The following BBS9 variants were observed in gnomAD, a reference collection of about 807,000 sequenced individuals.
The protein encoded by BBS9 is Bardet-Biedl syndrome 9, also known as protein PTHB1.
A neutral mutation model predicts 117.7 loss-of-function variants in BBS9; 89 were observed. The ratio of observed to expected loss-of-function variants is 0.76; its 90% CI spans 0.64 to 0.90. The LOEUF (loss-of-function observed/expected upper bound fraction) is 0.90, where lower values mean the gene tolerates loss of function less well. BBS9 is among the 40% of genes least tolerant of loss of function. The pLI is 0.00. For missense variants in BBS9, 982 were observed against 1,042.2 expected (o/e 0.94, Z 0.80); for synonymous variants, 379 against 370.9 (o/e 1.02, Z -0.25).
chr7:33,201,979 G>A lies in BBS9; in HGVS notation c.442+24388G>A, dbSNP rs1562788054. 2.0e-5 allele frequency among the ~76,000 whole-genome samples: 3 copies of A among 152,300 alleles called. No homozygotes were observed. In the East Asian group the frequency reaches 5.8e-4, roughly 29 times the overall value. On this transcript the variant is annotated intron_variant, in intron 5 of 22. Transcript: ENST00000242067. The stretch of plus-strand genomic sequence containing the variant: ...CTCGGCTGTAAGTGATGGATGAAAA[G>A]CTTGGTTGTCTGCCTCCATAGTTGA...
chr7:33,434,788 A>T (rs1835055468), intron 19 of BBS9, among the ~76,000 whole-genome samples: 1 of 152,200 alleles, frequency 6.6e-6, no homozygotes, highest in Non-Finnish European at 1.5e-5. Context: ...ACTGCTGCTC[A>T]TATGCTTATT....
At chr7:33,242,795 A>C (rs1362517523) in intron 5 of BBS9, among the ~76,000 whole-genome samples, 1 of 152,182 alleles carries the variant, frequency 6.6e-6, no homozygotes, top group Non-Finnish European at 1.5e-5. Flanking sequence ...ATGCTATGGT[A>C]ATGATAGACC....
At chr7:33,408,229 G>C (rs1563134821) in intron 19 of BBS9, among the ~76,000 whole-genome samples, 2 of 152,320 alleles carry the variant, frequency 1.3e-5, no homozygotes, top group East Asian at 3.9e-4. Flanking sequence ...ATGGGTGTAG[G>C]ACCCTCTGAG....
chr7:33,425,617 C>T (rs893973046), intron 19 of BBS9, among the ~76,000 whole-genome samples: 121 of 152,200 alleles, frequency 8.0e-4, no homozygotes, highest in African/African-American at 2.7e-3. Context: ...GATGCTGTGT[C>T]GAAATGGACA....
intron 19 of BBS9, among the ~76,000 whole-genome samples, chr7:33,407,925 A>G (rs536599097): frequency 6.6e-6 from 1 of 152,336 alleles, no homozygotes; most frequent in South Asian, 2.1e-4. Context: ...CCTTTCTCAG[A>G]TCTCCAGCTG....
At chr7:33,388,186 C>CT (rs755509491) in intron 19 of BBS9, 42 bp downstream of exon 19, 29 of 1,599,136 alleles carry the variant, frequency 1.8e-5, no homozygotes, top group Middle Eastern at 1.7e-4. Context: ...ACTGGCTATA[C>CT]TTTTTTTTGT....
intron 20 of BBS9, among the ~76,000 whole-genome samples, chr7:33,526,688 T>G (rs546361681): frequency 6.8e-6 from 1 of 146,952 alleles, no homozygotes; most frequent in East Asian, 2.0e-4. Context: ...TTGCCTTTGG[T>G]TTGAATGTCC....
At chr7:33,375,968 A>G (rs978914303) in intron 17 of BBS9, among the ~76,000 whole-genome samples, 1 of 152,150 alleles carries the variant, frequency 6.6e-6, no homozygotes, top group African/African-American at 2.4e-5. Flanking sequence ...AAAGAAACAG[A>G]AACTAAAAAT....
chr7:33,386,970 CT>C (rs988183735), intron 18 of BBS9, among the ~76,000 whole-genome samples: 2 of 151,682 alleles, frequency 1.3e-5, no homozygotes, highest in South Asian at 2.1e-4. Context: ...ATATAGGTTT[CT>C]TTTTTTTAAA....
At chr7:33,175,574 C>A (rs115882172) in intron 4 of BBS9, among the ~76,000 whole-genome samples, 2,335 of 152,194 alleles carry the variant, frequency 0.015, 60 homozygotes, top group African/African-American at 0.054. Context: ...TATGGACAGA[C>A]AATGCAAGTG....
At chr7:33,556,027 TTATC>T (rs1429763373) in intron 21 of BBS9, among the ~76,000 whole-genome samples, 3 of 152,174 alleles carry the variant, frequency 2.0e-5, no homozygotes, top group African/African-American at 7.2e-5. Flanking sequence ...CTATTTTTGT[TTATC>T]TAACTGATCA....
At chr7:33,474,048 A>G (rs745334678) in intron 19 of BBS9, among the ~76,000 whole-genome samples, 11 of 152,250 alleles carry the variant, frequency 7.2e-5, no homozygotes, top group Non-Finnish European at 1.6e-4. Context: ...AATTCAAATG[A>G]TTAAAATCCA....
At chr7:33,521,972 C>T (rs911382408) in intron 20 of BBS9, among the ~76,000 whole-genome samples, 8 of 147,628 alleles carry the variant, frequency 5.4e-5, no homozygotes, top group African/African-American at 2.0e-4. Flanking sequence ...GTTCAGTTCC[C>T]ACCTATGAGT....
At chr7:33,604,476 T>C (rs1043940978) in intron 21 of BBS9, among the ~76,000 whole-genome samples, 1 of 151,852 alleles carries the variant, frequency 6.6e-6, no homozygotes, top group African/African-American at 2.4e-5. Flanking sequence ...CTTTCCCTCA[T>C]GGTTCATGTG....
At chr7:33,189,340 T>C (rs1204601289) in intron 5 of BBS9, among the ~76,000 whole-genome samples, 6 of 152,176 alleles carry the variant, frequency 3.9e-5, no homozygotes, top group Non-Finnish European at 7.4e-5. Flanking sequence ...TTTAAAATTA[T>C]GTTGTTTTGA....
At chr7:33,150,836 A>T (rs10261756) in intron 2 of BBS9, among the ~76,000 whole-genome samples, 2 of 152,128 alleles carry the variant, frequency 1.3e-5, no homozygotes, top group Non-Finnish European at 2.9e-5. Context: ...AAATGAATAG[A>T]TGTTTCTGCA....
intron 19 of BBS9, among the ~76,000 whole-genome samples, chr7:33,472,801 G>A (rs1229194148): frequency 6.6e-6 from 1 of 152,198 alleles, no homozygotes; most frequent in Non-Finnish European, 1.5e-5. Context: ...CTTTTTTCCT[G>A]TAGTGAACAC....
At chr7:33,220,601 AGAT>A (rs1434587317) in intron 5 of BBS9, among the ~76,000 whole-genome samples, 1 of 152,262 alleles carries the variant, frequency 6.6e-6, no homozygotes, top group Non-Finnish European at 1.5e-5. Context: ...TGAAATGTGA[AGAT>A]AATTCATTTT....
chr7:33,207,111 G>C (rs913965497), intron 5 of BBS9, among the ~76,000 whole-genome samples: 1 of 151,922 alleles, frequency 6.6e-6, no homozygotes, highest in Non-Finnish European at 1.5e-5. Flanking sequence ...GATTAATTTT[G>C]ATCTTCTGGT....
Sources: gnomAD v4.1 joint callset for allele counts (sites outside exome capture counted in the v4.1 genomes callset) on GRCh38, gnomAD v4.1.1 for gene constraint, MANE v1.5 for transcripts, NCBI Gene and HGNC (gene_info 2026-07-23, HGNC 2026-07-21) for gene names.